IQCM: variants seen among roughly 807,000 people sequenced by gnomAD.
IQCM encodes IQ motif containing M.
Under a neutral mutation model 57.6 loss-of-function variants are expected in IQCM, and 45 were observed. That is an observed-to-expected ratio of 0.78 (90% CI 0.62 to 1.00). The LOEUF (loss-of-function observed/expected upper bound fraction) is 1.00, where lower values mean the gene tolerates loss of function less well. Among genes scored for constraint, IQCM ranks in the 50% least tolerant of loss-of-function variants. The pLI is 0.00. For missense variants in IQCM, 468 were observed against 511.6 expected, an observed-to-expected ratio of 0.91 and a Z score of 0.82; for synonymous variants, 148 against 158.9, an observed-to-expected ratio of 0.93 and a Z score of 0.51.
chr4:149,402,121 T>C (rs1371676417), intron 13 of IQCM, among the ~76,000 whole-genome samples: 2 of 151,756 alleles, frequency 1.3e-5, no homozygotes, highest in Non-Finnish European at 3.0e-5. Flanking sequence ...AATACATTCT[T>C]GAAATTCAGA....
intron 13 of IQCM, among the ~76,000 whole-genome samples, chr4:149,373,373 C>T (rs1442458272): frequency 6.6e-6 from 1 of 152,052 alleles, no homozygotes; most frequent in African/African-American, 2.4e-5. Context: ...ACAATAACAG[C>T]AATGAATCAG....
chr4:149,647,806 C>T (rs948973469), intron 7 of IQCM, among the ~76,000 whole-genome samples: 10 of 152,134 alleles, frequency 6.6e-5, no homozygotes, highest in Admixed American at 1.3e-4. Flanking sequence ...ACATTCTGAG[C>T]CATTGTCCCT....
At chr4:149,801,705 C>T (rs752257282) in intron 2 of IQCM, among the ~76,000 whole-genome samples, 15 of 151,634 alleles carry the variant, frequency 9.9e-5, no homozygotes, top group East Asian at 1.9e-4. Flanking sequence ...ATTGAACCCA[C>T]GGACATAGAG....
chr4:149,430,174 T>C, intron 13 of IQCM: 1 of 407,760 alleles, frequency 2.5e-6, no homozygotes, highest in Non-Finnish European at 4.2e-6. Context: ...AGCACTTAAA[T>C]ATGCCTTTGT....
At chr4:149,470,802 G>A (rs1040842613) in intron 12 of IQCM, among the ~76,000 whole-genome samples, 1 of 152,122 alleles carries the variant, frequency 6.6e-6, no homozygotes, top group Non-Finnish European at 1.5e-5. Context: ...CTAGAACTCA[G>A]GATTAAGAAA....
At chr4:149,805,756 A>C (rs1774021488) in intron 2 of IQCM, among the ~76,000 whole-genome samples, 1 of 152,074 alleles carries the variant, frequency 6.6e-6, no homozygotes, top group South Asian at 2.1e-4. Flanking sequence ...TTGAAGGAAA[A>C]AAACAGTTAA....
At chr4:149,423,848 G>T (rs1734283858) in intron 13 of IQCM, among the ~76,000 whole-genome samples, 2 of 151,506 alleles carry the variant, frequency 1.3e-5, no homozygotes, top group South Asian at 4.2e-4. Flanking sequence ...TTGGATTTTT[G>T]CCTCCCAATG....
intron 8 of IQCM, among the ~76,000 whole-genome samples, chr4:149,601,761 G>A (rs1341749195): frequency 1.3e-5 from 2 of 152,052 alleles, no homozygotes; most frequent in African/African-American, 2.4e-5. Flanking sequence ...CATTGGATTA[G>A]AAATATGTTT....
intron 12 of IQCM, among the ~76,000 whole-genome samples, chr4:149,472,351 T>C (rs1739663695): frequency 6.6e-6 from 1 of 152,158 alleles, no homozygotes; most frequent in Admixed American, 6.5e-5. Flanking sequence ...AGCCAAATCA[T>C]GAGTGAACTC....
At chr4:149,471,424 G>A (rs995192016) in intron 12 of IQCM, among the ~76,000 whole-genome samples, 1 of 152,108 alleles carries the variant, frequency 6.6e-6, no homozygotes, top group Non-Finnish European at 1.5e-5. Context: ...ACAGGAAGAA[G>A]CTGAATCCCT....
At chr4:149,760,260 T>C (rs890481736) in intron 2 of IQCM, among the ~76,000 whole-genome samples, 1 of 151,966 alleles carries the variant, frequency 6.6e-6, no homozygotes, top group African/African-American at 2.4e-5. Context: ...GAGCATGAAA[T>C]ATACCAACAA....
intron 13 of IQCM, among the ~76,000 whole-genome samples, chr4:149,419,558 A>G (rs1352907481): frequency 6.6e-6 from 1 of 152,114 alleles, no homozygotes; most frequent in African/African-American, 2.4e-5. Flanking sequence ...AATCTAGGCA[A>G]TACCATTCAG....
At chr4:149,720,649 C>A (rs369470055) in intron 5 of IQCM, among the ~76,000 whole-genome samples, 6 of 152,086 alleles carry the variant, frequency 3.9e-5, no homozygotes, top group Non-Finnish European at 7.4e-5. Flanking sequence ...GTTCTTTCTG[C>A]AAGAGCATTC....
At chr4:149,631,676 AT>A (rs925799132) in intron 7 of IQCM, among the ~76,000 whole-genome samples, 5 of 152,056 alleles carry the variant, frequency 3.3e-5, no homozygotes, top group African/African-American at 9.7e-5. Context: ...GGTTTGATCA[AT>A]TTTTTTTCTG....
chr4:149,811,669 TG>T (rs1296071588), intron 2 of IQCM, among the ~76,000 whole-genome samples: 1 of 152,166 alleles, frequency 6.6e-6, no homozygotes, highest in Non-Finnish European at 1.5e-5. Context: ...ATGACAATAG[TG>T]AACCCACTTC....
chr4:149,739,395 G>C lies in IQCM; in HGVS notation c.37+3260C>G, dbSNP rs193281305. On this transcript the variant is annotated intron_variant, in intron 3 of 13. Transcript: ENST00000636793. ...ACATATAAGCTTTCAATAAATGTGA[G>C]AAATTGTATTATTTTTGAGATTATT... Among the ~76,000 whole-genome samples the C allele has an allele frequency of 5.2e-4, 79 of 151,390 alleles. 3 individuals are homozygous for C. Among genetic ancestry groups the C allele is most frequent in the Admixed American group, 4.2e-3 (64 of 15,168 alleles).
intron 13 of IQCM, among the ~76,000 whole-genome samples, chr4:149,370,949 C>T (rs1398333432): frequency 6.6e-6 from 1 of 151,970 alleles, no homozygotes; most frequent in Non-Finnish European, 1.5e-5. Flanking sequence ...AGTACACAGC[C>T]CAATTTTCCT....
At chr4:149,395,829 A>C (rs1010118830) in intron 13 of IQCM, among the ~76,000 whole-genome samples, 3 of 151,996 alleles carry the variant, frequency 2.0e-5, no homozygotes, top group African/African-American at 7.2e-5. Context: ...CATCTTATAA[A>C]AATCCTTGTA....
chr4:149,401,166 C>A (rs1279801430), intron 13 of IQCM, among the ~76,000 whole-genome samples: 1 of 151,556 alleles, frequency 6.6e-6, no homozygotes, highest in African/African-American at 2.4e-5. Flanking sequence ...ATGTAAGTCC[C>A]CCCAAAAAGA....
Sources: gnomAD v4.1 joint callset for allele counts (sites outside exome capture counted in the v4.1 genomes callset) on GRCh38, gnomAD v4.1.1 for gene constraint, MANE v1.5 for transcripts, NCBI Gene and HGNC (gene_info 2026-07-23, HGNC 2026-07-21) for gene names.